The following VSTM4 variants were observed in gnomAD, a reference collection of about 807,000 sequenced individuals.
VSTM4 encodes V-set and transmembrane domain-containing protein 4.
Under a neutral mutation model 36.4 loss-of-function variants are expected in VSTM4, and 20 were observed. The ratio of observed to expected loss-of-function variants is 0.55; its 90% CI spans 0.39 to 0.80. The LOEUF is 0.80. VSTM4 is among the 30% of genes least tolerant of loss of function. The probability of loss-of-function intolerance (pLI) is 0.00; values close to 1 mark genes in which losing one functional copy is unlikely to be tolerated. For synonymous variants in VSTM4, 182 were observed against 173.9 expected (o/e 1.05, Z -0.37); for missense variants, 392 against 404.5 (o/e 0.97, Z 0.26).
intron 5 of VSTM4, among the ~76,000 whole-genome samples, chr10:49,060,004 G>T (rs1201592540): frequency 1.3e-5 from 2 of 152,118 alleles, no homozygotes; most frequent in South Asian, 4.1e-4. Flanking sequence ...ACTTACTATT[G>T]TTGGGGCTCA....
intron 2 of VSTM4, among the ~76,000 whole-genome samples, chr10:49,093,948 C>T (rs1844524932): frequency 6.6e-6 from 1 of 151,966 alleles, no homozygotes; most frequent in African/African-American, 2.4e-5. Flanking sequence ...GGGGTTTCAC[C>T]ATGTTAGCCA....
At chr10:49,036,803 G>A (rs1230932292) in intron 7 of VSTM4, among the ~76,000 whole-genome samples, 3 of 152,226 alleles carry the variant, frequency 2.0e-5, no homozygotes, top group Non-Finnish European at 2.9e-5. Context: ...GCCCTGGGCT[G>A]GCCACACTAT....
intron 2 of VSTM4, among the ~76,000 whole-genome samples, chr10:49,107,166 A>T (rs1470700008): frequency 1.3e-5 from 2 of 152,216 alleles, no homozygotes; most frequent in Admixed American, 1.3e-4. Context: ...ACAACCAGTC[A>T]TGTCTGCACA....
At chr10:49,048,719 T>C (rs1843653051) in intron 5 of VSTM4, 135 bp from the exon 6 acceptor site, 2 of 669,026 alleles carry the variant, frequency 3.0e-6, no homozygotes, top group Non-Finnish European at 4.9e-6. Flanking sequence ...GGTTATCATA[T>C]GGGTAGACTG....
chr10:49,051,045 T>A (rs539726170), intron 5 of VSTM4, among the ~76,000 whole-genome samples: 1 of 152,298 alleles, frequency 6.6e-6, no homozygotes, highest in East Asian at 1.9e-4. Context: ...GAACCGACAT[T>A]AGACATCAGT....
intron 2 of VSTM4, among the ~76,000 whole-genome samples, chr10:49,093,742 C>CTTTTTTTTTTTTTTTTT (rs35299738): frequency 9.6e-6 from 1 of 103,664 alleles, no homozygotes; most frequent in Admixed American, 1.1e-4. Flanking sequence ...CATAGTTACT[C>CTTTTTTTTTTTTTTTTT]TTTTTTTTTT....
intron 7 of VSTM4, among the ~76,000 whole-genome samples, chr10:49,035,669 C>CA (rs3080379): frequency 0.049 from 3,394 of 69,324 alleles, 449 homozygotes; most frequent in African/African-American, 0.17. Flanking sequence ...CCCAGCTCCA[C>CA]AAAAAAAAAA....
chr10:49,022,589 G>C (rs1451820608), intron 7 of VSTM4, among the ~76,000 whole-genome samples: 12 of 152,034 alleles, frequency 7.9e-5, no homozygotes, highest in Non-Finnish European at 1.2e-4. Context: ...GGAGCCTTCT[G>C]CTTGCCTTTT....
In VSTM4 at chr10:49,019,548, A is replaced by G; in HGVS notation, c.*102T>C. ...GCTGAAAAGGGGCTCCCCACCACTCAGAAGGCATGAGTGAAAATACAGACA... is the reference window on the plus strand; with the variant it reads ...GCTGAAAAGGGGCTCCCCACCACTCGGAAGGCATGAGTGAAAATACAGACA... On this transcript the variant is annotated 3_prime_UTR_variant, in exon 8 of 8. Coordinates refer to ENST00000332853, the MANE Select transcript of VSTM4 (RefSeq NM_001031746.5). The G allele has an allele frequency of 6.9e-7, 1 of 1,442,780 alleles. No individual in the cohort carries two copies. The highest frequency in any genetic ancestry group is 1.7e-5 in the South Asian group (1 of 59,230). 89.4% of individuals were successfully genotyped at this position (1,442,780 alleles called of 1,614,324 possible).
intron 1 of VSTM4, among the ~76,000 whole-genome samples, chr10:49,110,254 T>G (rs1246521507): frequency 6.6e-6 from 1 of 152,086 alleles, no homozygotes; most frequent in African/African-American, 2.4e-5. Context: ...GGAAGAGGGA[T>G]TATTTATAGT....
chr10:49,031,277 G>T (rs985858389), intron 7 of VSTM4, among the ~76,000 whole-genome samples: 1 of 152,016 alleles, frequency 6.6e-6, no homozygotes, highest in East Asian at 1.9e-4. Context: ...GTGTGACCTC[G>T]GACGAGGTAC....
intron 7 of VSTM4, among the ~76,000 whole-genome samples, chr10:49,035,429 C>T (rs1843412611): frequency 6.6e-6 from 1 of 152,154 alleles, no homozygotes; most frequent in African/African-American, 2.4e-5. Context: ...AGCCACATTA[C>T]CCTTCTAGAA....
At position 49,016,883 on chromosome 10, in the gene VSTM4, T is replaced by A. The variant is rs774075038; in HGVS notation, c.*2767A>T. On this transcript the variant is annotated 3_prime_UTR_variant, in exon 8 of 8. Transcript: ENST00000332853. ...CTTCATACCTCCCGGCTTCCTGTGC[T>A]GACTCCATGCCAACCATGCCAAGGC... 2 of 152,378 alleles carry A rather than the reference T, an allele frequency of 1.3e-5. No individual in the cohort carries two copies. Among genetic ancestry groups the A allele is most frequent in the Admixed American group, 6.5e-5 (1 of 15,290 alleles). 9.4% of individuals were successfully genotyped at this position (152,378 alleles called of 1,614,324 possible). A position where few individuals can be genotyped will look rare whatever the true frequency, so the allele number is the denominator to read the frequency against.
rs188461737 is a variant in VSTM4 at position 49,090,305 on chromosome 10, G to A, written c.458-4282C>T. 2.0e-3 allele frequency among the ~76,000 whole-genome samples: 312 copies of A among 152,276 alleles called. 1 individual carries two copies. Among genetic ancestry groups the A allele is most frequent in the African/African-American group, 6.9e-3 (288 of 41,552 alleles). ...GATCCAGCTGGACTTCCAGACAATTGGAAAGAAGATGACAACAGCCTCTTG... is the reference window on the plus strand; with the variant it reads ...GATCCAGCTGGACTTCCAGACAATTAGAAAGAAGATGACAACAGCCTCTTG... On this transcript the variant is annotated intron_variant, in intron 2 of 7. Coordinates refer to ENST00000332853, the MANE Select transcript of VSTM4 (RefSeq NM_001031746.5).
At chr10:49,090,792 A>G (rs1409420975) in intron 2 of VSTM4, among the ~76,000 whole-genome samples, 1 of 152,098 alleles carries the variant, frequency 6.6e-6, no homozygotes, top group Non-Finnish European at 1.5e-5. Context: ...ATGGGGGCAA[A>G]TGCTGTGGGG....
At chr10:49,042,534 G>A (rs1037104452) in intron 7 of VSTM4, among the ~76,000 whole-genome samples, 1 of 152,208 alleles carries the variant, frequency 6.6e-6, no homozygotes, top group Non-Finnish European at 1.5e-5. Flanking sequence ...AGCTTCCAAT[G>A]TGCTGGTGAA....
At chr10:49,075,268 C>G (rs914588263) in intron 4 of VSTM4, among the ~76,000 whole-genome samples, 11 of 152,188 alleles carry the variant, frequency 7.2e-5, no homozygotes, top group African/African-American at 2.7e-4. Flanking sequence ...CCTAGCAGGG[C>G]CTGCAGCCAG....
At chr10:49,073,126 T>C (rs761850985) in intron 4 of VSTM4, among the ~76,000 whole-genome samples, 7 of 152,130 alleles carry the variant, frequency 4.6e-5, no homozygotes, top group African/African-American at 7.2e-5. Context: ...TTAAATTTCA[T>C]AGAGAAAAAA....
intron 5 of VSTM4, among the ~76,000 whole-genome samples, chr10:49,051,617 A>C (rs1326505489): frequency 6.6e-6 from 1 of 152,042 alleles, no homozygotes; most frequent in Admixed American, 6.5e-5. Context: ...GCTAGTCTTG[A>C]ACTCCTGACC....
Sources: allele counts gnomAD v4.1 joint callset (sites outside exome capture counted in the v4.1 genomes callset), GRCh38; gene constraint gnomAD v4.1.1; transcripts MANE v1.5; gene names NCBI Gene and HGNC (gene_info 2026-07-23, HGNC 2026-07-21).